EXOC3: variants seen among roughly 807,000 people sequenced by gnomAD.
EXOC3 encodes the protein exocyst complex component 3.
A neutral mutation model predicts 73.7 loss-of-function variants in EXOC3; 21 were observed. That is an observed-to-expected ratio of 0.29 (90% CI 0.20 to 0.41). The LOEUF is 0.41. Ranked by LOEUF, EXOC3 falls within the 10% of genes least tolerant of loss-of-function variation. The pLI is 1.00. For synonymous variants in EXOC3, 410 were observed against 389.1 expected (o/e 1.05, Z -0.63); for missense variants, 842 against 985.1 (o/e 0.85, Z 1.95).
intron 6 of EXOC3, 150 bp downstream of exon 6, chr5:458,175 CCT>C (rs1485582367): frequency 2.6e-6 from 2 of 778,990 alleles, no homozygotes; most frequent in African/African-American, 1.8e-5. Flanking sequence ...TAAGTCCTCT[CCT>C]CTCTCTGTCT....
At chr5:461,529 C>G (rs1737984412) in intron 7 of EXOC3, 2 of 163,010 alleles carry the variant, frequency 1.2e-5, no homozygotes, top group African/African-American at 4.8e-5. Context: ...AGGAGAATCA[C>G]TTGAACCCAG....
chr5:456,455 T>A (rs573455701), intron 4 of EXOC3, among the ~76,000 whole-genome samples: 12 of 152,288 alleles, frequency 7.9e-5, no homozygotes, highest in African/African-American at 2.9e-4. Flanking sequence ...GCCTCCTGTT[T>A]GCCAGGCCCT....
At chr5:462,442 T>C in intron 9 of EXOC3, 135 bp downstream of exon 9, 1 of 931,496 alleles carries the variant, frequency 1.1e-6, no homozygotes, top group Non-Finnish European at 1.7e-6. Flanking sequence ...TGCATTCCGG[T>C]CAGATCGCTT....
intron 7 of EXOC3, among the ~76,000 whole-genome samples, chr5:461,045 C>A (rs1431531013): frequency 1.3e-5 from 2 of 152,194 alleles, no homozygotes; most frequent in African/African-American, 2.4e-5. Flanking sequence ...GTTTTCTTGA[C>A]ATTTCAAGTG....
Position 466,921 on chromosome 5 carries a change from G to T in EXOC3, c.*23G>T, listed in dbSNP as rs1226305674. ...TAGCCTCCGCCGGCCTGCCCTGCTC[G>T]CCCCTCCACAGCCTCGGTCCCTGCC... On this transcript the variant is annotated 3_prime_UTR_variant, in exon 13 of 13. Coordinates refer to ENST00000512944, the MANE Select transcript of EXOC3 (RefSeq NM_007277.5). 6 of 1,573,518 alleles carry T rather than the reference G, an allele frequency of 3.8e-6. No individual in the cohort carries two copies. The highest frequency in any genetic ancestry group is 5.2e-6 in the Non-Finnish European group (6 of 1,159,242).
At chr5:445,579 C>T (rs1737483842) in intron 1 of EXOC3, among the ~76,000 whole-genome samples, 5 of 152,216 alleles carry the variant, frequency 3.3e-5, no homozygotes, top group Admixed American at 3.3e-4. Context: ...TGGTCTCGAT[C>T]TCCTGACCTC....
In EXOC3 at chr5:443,245, GGCGGCGGCGGCGGCGGC is replaced by G. The variant is rs1737388321; in HGVS notation, c.-100_-84del. The G allele has an allele frequency of 3.6e-4, 2 of 5,580 alleles. No individual in the cohort carries two copies. The highest frequency in any genetic ancestry group is 1.9e-3 in the Admixed American group (1 of 522). The allele number at this position is 5,580 out of a possible 1,614,324, so 0.3% of individuals were successfully genotyped here. A position where few individuals can be genotyped will look rare whatever the true frequency, so the allele number is the denominator to read the frequency against. ...GGGCGGCGGGGGCGGCGGCGGCGGC[GGCGGCGGCGGCGGCGGC>G]GGCGGCGGCGGCGGCGTAGCCGTAG... On this transcript the variant is annotated 5_prime_UTR_variant, in exon 1 of 13. Coordinates refer to ENST00000512944, the MANE Select transcript of EXOC3 (RefSeq NM_007277.5).
chr5:466,916 T>G lies in EXOC3; in HGVS notation c.*18T>G. The G allele has an allele frequency of 6.3e-7, 1 of 1,578,046 alleles. No homozygotes were observed. The highest frequency in any genetic ancestry group is 8.6e-7 in the Non-Finnish European group (1 of 1,161,770). ...TCAAGTAGCCTCCGCCGGCCTGCCC[T>G]GCTCGCCCCTCCACAGCCTCGGTCC... On this transcript the variant is annotated 3_prime_UTR_variant, in exon 13 of 13. Transcript: ENST00000512944.
chr5:446,246 A>T lies in EXOC3; in HGVS notation c.41A>T (p.Gln14Leu). 1 of 1,613,976 alleles carries T rather than the reference A, an allele frequency of 6.2e-7. No homozygotes were observed. The stretch of plus-strand genomic sequence containing the variant: ...CGGGAGGCCGTTGCGACAGCAGTGC[A>T]AAGGGTTGCTGGGATGCTCCAGCGC... ...TDREAVATAV[Q>L]RVAGMLQRPD... is the part of the protein sequence containing the mutation. Residue 14 changes from glutamine (Q) to leucine (L), a missense_variant, in exon 2 of 13, where the codon CAA becomes CTA. Physicochemically the swap from Gln to Leu is moderately radical, Grantham distance 113 (BLOSUM62 -2). Transcript: ENST00000512944.
At chr5:454,868 A>AATT (rs1737758719) in intron 4 of EXOC3, among the ~76,000 whole-genome samples, 1 of 110,792 alleles carries the variant, frequency 9.0e-6, no homozygotes, top group African/African-American at 3.5e-5. Flanking sequence ...AATAAACCTC[A>AATT]TTTTTTTTTT....
At chr5:460,820 C>G (rs1010110352) in intron 7 of EXOC3, among the ~76,000 whole-genome samples, 1 of 152,214 alleles carries the variant, frequency 6.6e-6, no homozygotes. Context: ...ATAAAGAGAC[C>G]GTTCCTTGAT....
In EXOC3 at chr5:453,815, T is replaced by C. The variant is rs1265989074; in HGVS notation, c.810T>C (p.Ser270=). ...IEGTQADTRE[S]DKMWLVRHLE... is the part of the protein sequence containing the mutation. The stretch of plus-strand genomic sequence containing the variant: ...GCACACAGGCAGATACCAGAGAGTC[T>C]GACAAGATGTGGCTTGTCCGCCACC... Residue 270 remains serine, a synonymous_variant, in exon 4 of 13, where the codon TCT becomes TCC. Transcript: ENST00000512944. 1.9e-6 allele frequency: 3 copies of C among 1,613,858 alleles called. No individual in the cohort carries two copies. The highest frequency in any genetic ancestry group is 2.5e-6 in the Non-Finnish European group (3 of 1,179,896).
chr5:451,202 T>C (rs1254097570), intron 3 of EXOC3, among the ~76,000 whole-genome samples: 2 of 152,246 alleles, frequency 1.3e-5, no homozygotes, highest in African/African-American at 2.4e-5. Context: ...TTGCGTATAT[T>C]CTATAGCTGT....
rs1335412263 is a variant in EXOC3 at position 462,578 on chromosome 5, C to T, written c.1653+271C>T. On this transcript the variant is annotated intron_variant, in intron 9 of 12. Coordinates refer to ENST00000512944, the MANE Select transcript of EXOC3 (RefSeq NM_007277.5). ...ATTTAGTGGATTACAAAATAGAAACCGATATGTAGGGACCTGTCAAAAAGT... is the reference window on the plus strand; with the variant it reads ...ATTTAGTGGATTACAAAATAGAAACTGATATGTAGGGACCTGTCAAAAAGT... The T allele has an allele frequency of 1.1e-5, 5 of 452,338 alleles. No individual in the cohort carries two copies. The Admixed American group carries it at 1.1e-4, about 10-fold the overall frequency. The allele number at this position is 452,338 out of a possible 1,614,324, so 28.0% of individuals were successfully genotyped here.
At chr5:466,619 T>C in intron 12 of EXOC3, 108 bp from the exon 13 acceptor site, 2 of 1,111,264 alleles carry the variant, frequency 1.8e-6, no homozygotes, top group East Asian at 5.2e-5. Flanking sequence ...GCAGCGGTCC[T>C]CACCCCCTGT....
chr5:464,621 G>A (rs754057396), intron 10 of EXOC3: 2 of 518,072 alleles, frequency 3.9e-6, no homozygotes, highest in Non-Finnish European at 7.0e-6. Context: ...CATGGCCCTC[G>A]AGGTGGAGGG....
In EXOC3 at chr5:459,451, C is replaced by A; in HGVS notation, c.1383C>A (p.Phe461Leu). The change falls in exon 7 of 13, where the codon TTC becomes TTA. Residue 461 changes from phenylalanine to leucine, a missense_variant. Coordinates refer to ENST00000512944, the MANE Select transcript of EXOC3 (RefSeq NM_007277.5). Reference sequence around the variant, plus strand: ...TATGTCTTCAGCAGATGAATTCTTTCCTAAGCAGGTATGTCTTTCTGCCAG... The same window carrying A: ...TATGTCTTCAGCAGATGAATTCTTTACTAAGCAGGTATGTCTTTCTGCCAG... ...LVLCLQQMNS[F>L]LSRYKDEAQL... 6.6e-7 allele frequency: 1 copy of A among 1,523,784 alleles called. No individual in the cohort carries two copies. Among genetic ancestry groups the A allele is most frequent in the Non-Finnish European group, 9.0e-7 (1 of 1,116,496 alleles). The allele number at this position is 1,523,784 out of a possible 1,614,324, so 94.4% of individuals were successfully genotyped here.
chr5:456,250 T>C (rs574580119), intron 4 of EXOC3, among the ~76,000 whole-genome samples: 1 of 152,344 alleles, frequency 6.6e-6, no homozygotes, highest in African/African-American at 2.4e-5. Context: ...CATTTCTAGA[T>C]TACTTATAAG....
intron 2 of EXOC3, 93 bp from the exon 3 acceptor site, chr5:447,440 C>G: frequency 1.2e-6 from 1 of 859,390 alleles, no homozygotes; most frequent in Non-Finnish European, 1.8e-6. Context: ...GTGGCTCTTT[C>G]CTGAACTTGA....
Sources: allele counts gnomAD v4.1 joint callset (sites outside exome capture counted in the v4.1 genomes callset), GRCh38; gene constraint gnomAD v4.1.1; transcripts MANE v1.5; gene names NCBI Gene and HGNC (gene_info 2026-07-23, HGNC 2026-07-21).